ADHFE1: variants seen among roughly 807,000 people sequenced by gnomAD.
ADHFE1 encodes alcohol dehydrogenase iron containing 1.
In ADHFE1, 37 loss-of-function variants were observed where a neutral mutation model predicts 54.8. The ratio of observed to expected loss-of-function variants is 0.68; its 90% CI spans 0.52 to 0.89. The LOEUF (loss-of-function observed/expected upper bound fraction) is 0.89, where lower values mean the gene tolerates loss of function less well. Among genes scored for constraint, ADHFE1 ranks in the 40% least tolerant of loss-of-function variants. The probability of loss-of-function intolerance (pLI) is 0.00; values close to 1 mark genes in which losing one functional copy is unlikely to be tolerated. For missense variants in ADHFE1, 601 were observed against 591.2 expected (o/e 1.02, Z -0.17); for synonymous variants, 203 against 229.3 (o/e 0.89, Z 1.04).
chr8:66,440,014 T>G (rs137941878), intron 1 of ADHFE1, 148 bp from the exon 2 acceptor site: 1 of 797,628 alleles, frequency 1.3e-6, no homozygotes, highest in Non-Finnish European at 2.0e-6. Flanking sequence ...TCTATATATA[T>G]TTTTTCTATT....
intron 4 of ADHFE1, 37 bp from the exon 5 acceptor site, chr8:66,444,557 T>A: frequency 6.2e-7 from 1 of 1,613,232 alleles, no homozygotes; most frequent in Non-Finnish European, 8.5e-7. Context: ...ATTGCAGTTC[T>A]AGTGGAGTTG....
Position 66,468,549 on chromosome 8 carries a change from C to G in ADHFE1, c.*197C>G. ...TCCATAAAACAGGCTGGACAAATGA[C>G]CACTATGTTAGACCCCCAGGCTCGA... On this transcript the variant is annotated 3_prime_UTR_variant, in exon 14 of 14. Transcript: ENST00000396623. 2.7e-6 allele frequency: 1 copy of G among 376,248 alleles called. No individual in the cohort carries two copies. The highest frequency in any genetic ancestry group is 4.7e-6 in the Non-Finnish European group (1 of 210,578). The allele number at this position is 376,248 out of a possible 1,614,324, so 23.3% of individuals were successfully genotyped here. A position where few individuals can be genotyped will look rare whatever the true frequency, so the allele number is the denominator to read the frequency against.
chr8:66,440,947 C>T (rs1805715651), intron 2 of ADHFE1, among the ~76,000 whole-genome samples: 1 of 152,094 alleles, frequency 6.6e-6, no homozygotes. Context: ...AGTAACTCGC[C>T]AAGGGCTTTC....
intron 11 of ADHFE1, 54 bp downstream of exon 11, chr8:66,456,949 C>T (rs2303519): frequency 0.17 from 249,903 of 1,447,430 alleles, 23,266 homozygotes; most frequent in Admixed American, 0.31. Context: ...TCCCAATTTC[C>T]ATAAATATAT....
Position 66,447,323 on chromosome 8 carries a change from C to T in ADHFE1, c.610C>T (p.His204Tyr). ...TTGVAIFDYE[H>Y]LKVKIGITSR... The stretch of plus-strand genomic sequence containing the variant: ...TGGGGTTGCCATTTTTGACTATGAA[C>T]ACTTGAAAGTAAAAATTGGTAAGAA... The change falls in exon 7 of 14, where the codon CAC becomes TAC. Residue 204 changes from histidine to tyrosine, a missense_variant. His to Tyr is a moderately conservative substitution (Grantham distance 83). Coordinates refer to ENST00000396623, the MANE Select transcript of ADHFE1 (RefSeq NM_144650.3). The T allele has an allele frequency of 6.2e-7, 1 of 1,613,356 alleles. No homozygotes were observed. The highest frequency in any genetic ancestry group is 8.5e-7 in the Non-Finnish European group (1 of 1,179,472).
intron 13 of ADHFE1, among the ~76,000 whole-genome samples, chr8:66,467,316 T>C (rs991954196): frequency 3.9e-5 from 6 of 152,142 alleles, no homozygotes; most frequent in Non-Finnish European, 5.9e-5. Flanking sequence ...ATTTCTGAGA[T>C]GAGAAAATGG....
intron 13 of ADHFE1, among the ~76,000 whole-genome samples, chr8:66,461,654 C>A (rs1806905112): frequency 2.6e-5 from 4 of 151,842 alleles, no homozygotes. Flanking sequence ...ACCCATCTAA[C>A]TGGGTGAGCA....
intron 12 of ADHFE1, among the ~76,000 whole-genome samples, chr8:66,458,098 C>G (rs1478291632): frequency 6.6e-6 from 1 of 152,180 alleles, no homozygotes; most frequent in Non-Finnish European, 1.5e-5. Context: ...TTCAGGATAG[C>G]TTTAATGGTA....
intron 1 of ADHFE1, among the ~76,000 whole-genome samples, chr8:66,434,214 C>T (rs1018501667): frequency 1.3e-5 from 2 of 152,158 alleles, no homozygotes; most frequent in Admixed American, 6.5e-5. Flanking sequence ...ACAGTGGGCT[C>T]ATTTACCAAG....
chr8:66,436,211 C>A (rs1805460729), intron 1 of ADHFE1, among the ~76,000 whole-genome samples: 1 of 152,072 alleles, frequency 6.6e-6, no homozygotes, highest in South Asian at 2.1e-4. Flanking sequence ...ACCACTGTGC[C>A]CAGCCAGGAT....
At chr8:66,442,371 C>T (rs544488772) in intron 2 of ADHFE1, among the ~76,000 whole-genome samples, 8 of 142,410 alleles carry the variant, frequency 5.6e-5, no homozygotes, top group East Asian at 4.2e-4. Flanking sequence ...AGTGCAGTGG[C>T]GCGATCTCGG....
chr8:66,460,182 G>A (rs538530067), intron 12 of ADHFE1, 126 bp from the exon 13 acceptor site: 1 of 1,226,566 alleles, frequency 8.2e-7, no homozygotes, highest in African/African-American at 1.5e-5. Context: ...GGCACACGAT[G>A]GCCCCGTGCT....
At chr8:66,459,061 C>T (rs1806746150) in intron 12 of ADHFE1, among the ~76,000 whole-genome samples, 1 of 152,250 alleles carries the variant, frequency 6.6e-6, no homozygotes, top group Admixed American at 6.5e-5. Context: ...CCTAAGAGTT[C>T]TCACTGTCAT....
intron 13 of ADHFE1, among the ~76,000 whole-genome samples, chr8:66,466,109 G>C (rs1032113774): frequency 6.9e-5 from 10 of 145,912 alleles, no homozygotes; most frequent in Non-Finnish European, 1.5e-4. Flanking sequence ...TGCTCTGTTG[G>C]CCAGGCTGGA....
intron 8 of ADHFE1, 36 bp from the exon 9 acceptor site, chr8:66,451,917 G>T: frequency 6.2e-7 from 1 of 1,604,990 alleles, no homozygotes; most frequent in Non-Finnish European, 8.5e-7. Flanking sequence ...GGAAGATGAC[G>T]CTTTCCATCT....
At position 66,439,517 on chromosome 8, in the gene ADHFE1, G is replaced by A. The variant is rs772571959; in HGVS notation, c.60-645G>A. ...AGAAGTCGACCGAGAAGTGAGATGC[G>A]GTGGCGACCTCGGAGCGCACCGGGT... On this transcript the variant is annotated intron_variant, in intron 1 of 13. Coordinates refer to ENST00000396623, the MANE Select transcript of ADHFE1 (RefSeq NM_144650.3). The surrounding 1 kb of genome is among the most constrained non-coding windows in gnomAD (Gnocchi z 4.4). 9.6e-5 allele frequency: 95 copies of A among 985,676 alleles called. No homozygotes were observed. Among genetic ancestry groups the A allele is most frequent in the Non-Finnish European group, 1.1e-4 (93 of 830,072 alleles). The allele number at this position is 985,676 out of a possible 1,614,324, so 61.1% of individuals were successfully genotyped here.
At chr8:66,454,190 A>G (rs1806451870) in intron 10 of ADHFE1, 33 bp downstream of exon 10, 1 of 1,603,090 alleles carries the variant, frequency 6.2e-7, no homozygotes, top group African/African-American at 1.3e-5. Context: ...TTCTTTACTC[A>G]AGCTATTGCT....
chr8:66,432,712 C>T, intron 1 of ADHFE1, 137 bp downstream of exon 1: 1 of 1,232,906 alleles, frequency 8.1e-7, no homozygotes, highest in Non-Finnish European at 1.0e-6. Flanking sequence ...GCCCTGGGCT[C>T]CCACCGCGCG....
intron 1 of ADHFE1, among the ~76,000 whole-genome samples, chr8:66,433,543 G>T (rs963128161): frequency 1.5e-4 from 23 of 152,164 alleles, no homozygotes; most frequent in Non-Finnish European, 2.8e-4. Flanking sequence ...GGAAATAAAG[G>T]CATGGAGAAG....
Sources: gnomAD v4.1 joint callset for allele counts (sites outside exome capture counted in the v4.1 genomes callset) on GRCh38, gnomAD v4.1.1 for gene constraint, Gnocchi (gnomAD v3.1) non-coding constraint, MANE v1.5 for transcripts, NCBI Gene and HGNC (gene_info 2026-07-23, HGNC 2026-07-21) for gene names.